Variants in DCDC1 observed in about 807,000 individuals in gnomAD.
The protein encoded by DCDC1 is doublecortin domain-containing protein 1.
DCDC1 carries 200 observed loss-of-function variants against 178.3 expected under a neutral mutation model. That is an observed-to-expected ratio of 1.12 (90% CI 1.00 to 1.26). The LOEUF (loss-of-function observed/expected upper bound fraction) is 1.26, where lower values mean the gene tolerates loss of function less well. DCDC1 is among the 50% of genes most tolerant of loss of function. DCDC1 has a pLI of 0.00. For missense variants in DCDC1, 1,983 were observed against 1,749.2 expected (o/e 1.13, Z -2.38); for synonymous variants, 690 against 604.8 (o/e 1.14, Z -2.07).
Position 30,905,153 on chromosome 11 carries a change from C to T in DCDC1, c.4116G>A (p.Ser1372=), listed in dbSNP as rs367819107. The change falls in exon 31 of 39, where the codon TCG becomes TCA. Residue 1372 remains serine (S), a synonymous_variant. Coordinates refer to ENST00000684477, the MANE Select transcript of DCDC1 (RefSeq NM_001387274.1). The part of the protein sequence containing the change: ...KVISVAEVDL[S]CDKAEKTLSY... ...TTAGAGTTTTTTCAGCCTTGTCACA[C>T]GACAAATCAACCTAATTTTTTAAAA... The T allele has an allele frequency of 6.4e-5, 102 of 1,594,338 alleles. 1 individual carries two copies. Among genetic ancestry groups the T allele is most frequent in the East Asian group, 5.4e-4 (24 of 44,262 alleles).
intron 20 of DCDC1, among the ~76,000 whole-genome samples, chr11:30,989,502 T>G (rs890206477): frequency 3.3e-5 from 5 of 152,144 alleles, no homozygotes; most frequent in African/African-American, 7.2e-5. Flanking sequence ...GTAGTCCTCT[T>G]TATCCTCACT....
chr11:31,065,809 G>T (rs1334682944), intron 18 of DCDC1, among the ~76,000 whole-genome samples: 1 of 152,112 alleles, frequency 6.6e-6, no homozygotes, highest in Non-Finnish European at 1.5e-5. Context: ...CTCTCATTTG[G>T]GATCTTCTGA....
chr11:31,323,110 T>C (rs1198907134), intron 3 of DCDC1, among the ~76,000 whole-genome samples: 3 of 152,230 alleles, frequency 2.0e-5, no homozygotes, highest in African/African-American at 4.8e-5. Context: ...TAAAATGACA[T>C]GGAGTTTTTA....
chr11:31,130,064 G>T (rs971331842), intron 10 of DCDC1, among the ~76,000 whole-genome samples: 1 of 152,096 alleles, frequency 6.6e-6, no homozygotes, highest in African/African-American at 2.4e-5. Flanking sequence ...TCCCAGAAAA[G>T]TTAATTTGCC....
At chr11:30,873,101 GTC>G (rs552328701) in intron 38 of DCDC1, among the ~76,000 whole-genome samples, 293 of 145,280 alleles carry the variant, frequency 2.0e-3, no homozygotes, top group Non-Finnish European at 1.9e-3. Context: ...GTCTCTCTCT[GTC>G]TCTCTCTCTC....
chr11:31,011,954 G>A (rs966185763), intron 20 of DCDC1, among the ~76,000 whole-genome samples: 2 of 152,148 alleles, frequency 1.3e-5, no homozygotes, highest in African/African-American at 4.8e-5. Context: ...CCTGGTGGGA[G>A]GTGATTGGAT....
intron 3 of DCDC1, among the ~76,000 whole-genome samples, chr11:31,309,924 C>T (rs2137637557): frequency 6.6e-6 from 1 of 152,156 alleles, no homozygotes; most frequent in South Asian, 2.1e-4. Flanking sequence ...ATTTTATCAA[C>T]TATATTGATA....
chr11:31,158,906 TC>T (rs1405877879), intron 9 of DCDC1, among the ~76,000 whole-genome samples: 2 of 151,580 alleles, frequency 1.3e-5, no homozygotes, highest in East Asian at 1.9e-4. Context: ...TTTTATATAT[TC>T]CCCCCAAATA....
chr11:30,967,288 G>C (rs1949489968), intron 20 of DCDC1, among the ~76,000 whole-genome samples: 1 of 148,798 alleles, frequency 6.7e-6, no homozygotes, highest in Non-Finnish European at 1.5e-5. Flanking sequence ...TTCAGCAGTG[G>C]TTTGTAGTTC....
chr11:30,977,034 T>C (rs979832846), intron 20 of DCDC1, among the ~76,000 whole-genome samples: 2 of 152,128 alleles, frequency 1.3e-5, no homozygotes, highest in Non-Finnish European at 2.9e-5. Context: ...TGCAGCAACA[T>C]AGATGAAACT....
chr11:31,189,992 T>G (rs1969955083), intron 9 of DCDC1, among the ~76,000 whole-genome samples: 1 of 152,214 alleles, frequency 6.6e-6, no homozygotes, highest in Non-Finnish European at 1.5e-5. Context: ...GAGCTCTAGA[T>G]GTTGGTCTTA....
intron 34 of DCDC1, among the ~76,000 whole-genome samples, chr11:30,898,679 G>A (rs907841819): frequency 6.6e-6 from 1 of 152,186 alleles, no homozygotes; most frequent in African/African-American, 2.4e-5. Flanking sequence ...GAAGTTAGTA[G>A]TAGTCATTAT....
At chr11:31,134,797 C>G (rs2135980684) in intron 10 of DCDC1, among the ~76,000 whole-genome samples, 1 of 152,266 alleles carries the variant, frequency 6.6e-6, no homozygotes, top group African/African-American at 2.4e-5. Context: ...GAGTTCAAGA[C>G]CAGCCTGGGC....
intron 2 of DCDC1, among the ~76,000 whole-genome samples, chr11:31,328,728 A>G (rs1452673048): frequency 6.6e-6 from 1 of 150,924 alleles, no homozygotes; most frequent in Non-Finnish European, 1.5e-5. Flanking sequence ...GGAGAATGGC[A>G]GGAACCCGGG....
chr11:31,251,463 T>A (rs555866104), intron 8 of DCDC1, among the ~76,000 whole-genome samples: 1 of 151,832 alleles, frequency 6.6e-6, no homozygotes, highest in Admixed American at 6.6e-5. Flanking sequence ...AGGGCCCGAA[T>A]AGAACAAAAA....
intron 38 of DCDC1, among the ~76,000 whole-genome samples, chr11:30,871,306 A>C (rs904590566): frequency 1.1e-4 from 16 of 152,124 alleles, no homozygotes; most frequent in Non-Finnish European, 1.5e-5. Flanking sequence ...AAGAGCAGGA[A>C]TGGCAGACTA....
chr11:31,071,158 G>A (rs1439151647), intron 18 of DCDC1, among the ~76,000 whole-genome samples: 6 of 151,888 alleles, frequency 4.0e-5, no homozygotes, highest in African/African-American at 7.3e-5. Flanking sequence ...TTTCTTACCC[G>A]ATTTTTCTCA....
intron 21 of DCDC1, chr11:30,944,010 T>C: frequency 4.0e-6 from 1 of 250,668 alleles, no homozygotes; most frequent in Non-Finnish European, 8.0e-6. Context: ...AGAATTGGAG[T>C]CTCACTCAGG....
chr11:31,123,727 C>T (rs1031450460), intron 11 of DCDC1, among the ~76,000 whole-genome samples: 1 of 151,742 alleles, frequency 6.6e-6, no homozygotes, highest in African/African-American at 2.4e-5. Context: ...GAGCTGAGTA[C>T]TTTATAGGGG....
Sources: allele counts gnomAD v4.1 joint callset (sites outside exome capture counted in the v4.1 genomes callset), GRCh38; gene constraint gnomAD v4.1.1; transcripts MANE v1.5; gene names NCBI Gene and HGNC (gene_info 2026-07-23, HGNC 2026-07-21).